The following ST6GALNAC3 variants were observed in gnomAD, a reference collection of about 807,000 sequenced individuals.
ST6GALNAC3 encodes the protein alpha-N-acetylgalactosaminide alpha-2,6-sialyltransferase 3.
ST6GALNAC3 carries 25 observed loss-of-function variants against 32.7 expected under a neutral mutation model. That is an observed-to-expected ratio of 0.76 (90% CI 0.56 to 1.07). The LOEUF (loss-of-function observed/expected upper bound fraction) is 1.07. ST6GALNAC3 is among the 50% of genes least tolerant of loss of function. The pLI is 0.00. For synonymous variants in ST6GALNAC3, 129 were observed against 133.1 expected, an observed-to-expected ratio of 0.97 and a Z score of 0.21; for missense variants, 355 against 382.4, an observed-to-expected ratio of 0.93 and a Z score of 0.60.
intron 3 of ST6GALNAC3, among the ~76,000 whole-genome samples, chr1:76,544,454 A>C (rs908816037): frequency 6.6e-6 from 1 of 152,176 alleles, no homozygotes; most frequent in Non-Finnish European, 1.5e-5. Context: ...CCATGGTGCA[A>C]GTAACTAGTT....
At chr1:76,397,851 G>A (rs4369272) in intron 2 of ST6GALNAC3, among the ~76,000 whole-genome samples, 109,375 of 151,992 alleles carry the variant, frequency 0.72, 39,766 homozygotes, top group South Asian at 0.87. Context: ...TCCATGTTGT[G>A]GCTGGTTACC....
chr1:76,398,018 A>G (rs4342892), intron 2 of ST6GALNAC3, among the ~76,000 whole-genome samples: 109,445 of 152,020 alleles, frequency 0.72, 39,810 homozygotes, highest in South Asian at 0.87. Context: ...GATTACATGG[A>G]GTAGAGCTTC....
chr1:76,126,778 G>A (rs1045389794), intron 1 of ST6GALNAC3, among the ~76,000 whole-genome samples: 1 of 152,128 alleles, frequency 6.6e-6, no homozygotes, highest in African/African-American at 2.4e-5. Flanking sequence ...AGAACTAAAG[G>A]TGATTGTGCA....
chr1:76,587,424 T>C (rs532451560), intron 3 of ST6GALNAC3, among the ~76,000 whole-genome samples: 18 of 152,266 alleles, frequency 1.2e-4, no homozygotes, highest in African/African-American at 4.1e-4. Flanking sequence ...GGCTTTGAGA[T>C]GCCTGGCTGA....
chr1:76,332,358 C>T (rs1229800615), intron 2 of ST6GALNAC3, among the ~76,000 whole-genome samples: 1 of 152,130 alleles, frequency 6.6e-6, no homozygotes, highest in Non-Finnish European at 1.5e-5. Context: ...TTCTCATCTT[C>T]TAATTCGTGA....
At chr1:76,095,506 A>C (rs1647115016) in intron 1 of ST6GALNAC3, among the ~76,000 whole-genome samples, 1 of 152,170 alleles carries the variant, frequency 6.6e-6, no homozygotes, top group South Asian at 2.1e-4. Context: ...TGTTTTCTCC[A>C]GGCAGTGGGT....
At position 76,591,227 on chromosome 1, in the gene ST6GALNAC3, T is replaced by A. The variant is rs866018466; in HGVS notation, c.624-36225T>A. On this transcript the variant is annotated intron_variant, in intron 3 of 4. Transcript: ENST00000328299. ...TCTGTGTGTATGTGTGTGTAGGGGC[T>A]GGAGTGGACATTTCAGGCAAAGGGA... 3.3e-5 allele frequency among the ~76,000 whole-genome samples: 5 copies of A among 152,036 alleles called. No homozygotes were observed. The Middle Eastern group carries it at 0.01, about 310-fold the overall frequency.
intron 2 of ST6GALNAC3, among the ~76,000 whole-genome samples, chr1:76,357,054 T>C (rs562331933): frequency 6.6e-6 from 1 of 152,104 alleles, no homozygotes; most frequent in East Asian, 1.9e-4. Context: ...AATGAAAAAG[T>C]CTAAAGTCTT....
intron 1 of ST6GALNAC3, among the ~76,000 whole-genome samples, chr1:76,263,890 TG>T (rs1658386502): frequency 6.6e-6 from 1 of 152,172 alleles, no homozygotes; most frequent in Non-Finnish European, 1.5e-5. Context: ...GAATGGTATT[TG>T]GTCAAGGTAG....
rs114786781 is a variant in ST6GALNAC3 at position 76,271,868 on chromosome 1, G to T, written c.19-41937G>T. On this transcript the variant is annotated intron_variant, in intron 1 of 4. Transcript: ENST00000328299. ...GTTAGATTTGGGATGTATTTCAAAAGCAGAGCCAATGTGGATTTCCAATAA... is the reference window on the plus strand; with the variant it reads ...GTTAGATTTGGGATGTATTTCAAAATCAGAGCCAATGTGGATTTCCAATAA... 1.9e-3 allele frequency among the ~76,000 whole-genome samples: 295 copies of T among 152,240 alleles called. 4 individuals are homozygous for T. Among genetic ancestry groups the T allele is most frequent in the African/African-American group, 6.9e-3 (287 of 41,528 alleles).
rs371644095 is a variant in ST6GALNAC3 at position 76,481,071 on chromosome 1, T to C, written c.623+68654T>C. 6.3e-4 allele frequency among the ~76,000 whole-genome samples: 96 copies of C among 152,270 alleles called. 1 individual carries two copies. In the South Asian group the frequency reaches 0.019, roughly 30 times the overall value. Reference sequence around the variant, plus strand: ...TGTGTATCTATTGAAAATCTCTAGTTAGGTCCCTTCTGAGCTTTCTGATCT... The same window carrying C: ...TGTGTATCTATTGAAAATCTCTAGTCAGGTCCCTTCTGAGCTTTCTGATCT... On this transcript the variant is annotated intron_variant, in intron 3 of 4. Coordinates refer to ENST00000328299, the MANE Select transcript of ST6GALNAC3 (RefSeq NM_152996.4).
At chr1:76,285,414 A>AGTGTGTGTGTGTG (rs1164300078) in intron 1 of ST6GALNAC3, among the ~76,000 whole-genome samples, 1 of 149,860 alleles carries the variant, frequency 6.7e-6, no homozygotes, top group African/African-American at 2.4e-5. Context: ...GTGTGTGTAC[A>AGTGTGTGTGTGTG]TGTGTGTGTA....
intron 3 of ST6GALNAC3, among the ~76,000 whole-genome samples, chr1:76,599,713 G>A (rs980186112): frequency 4.1e-5 from 5 of 123,008 alleles, no homozygotes; most frequent in East Asian, 2.3e-4. Context: ...TCCCACTACC[G>A]TATCGTGTGT....
intron 3 of ST6GALNAC3, among the ~76,000 whole-genome samples, chr1:76,475,738 A>T (rs1286366784): frequency 1.3e-5 from 2 of 152,188 alleles, no homozygotes; most frequent in Non-Finnish European, 2.9e-5. Flanking sequence ...TCTGGGATAC[A>T]TGTGCAGAAC....
At chr1:76,564,934 A>C (rs1665464892) in intron 3 of ST6GALNAC3, among the ~76,000 whole-genome samples, 1 of 152,148 alleles carries the variant, frequency 6.6e-6, no homozygotes, top group South Asian at 2.1e-4. Flanking sequence ...AGGTGGCAGA[A>C]AAAGTTCAAC....
chr1:76,587,435 C>T (rs574236560), intron 3 of ST6GALNAC3, among the ~76,000 whole-genome samples: 204 of 152,258 alleles, frequency 1.3e-3, no homozygotes, highest in Non-Finnish European at 2.4e-3. Flanking sequence ...GCCTGGCTGA[C>T]GGGCAAAGTT....
At chr1:76,609,837 C>T (rs1317716225) in intron 3 of ST6GALNAC3, among the ~76,000 whole-genome samples, 2 of 152,076 alleles carry the variant, frequency 1.3e-5, no homozygotes, top group Non-Finnish European at 2.9e-5. Flanking sequence ...TTCAATCTAA[C>T]ACACTTGAGA....
chr1:76,431,274 T>G (rs1300185240), intron 3 of ST6GALNAC3, among the ~76,000 whole-genome samples: 1 of 152,152 alleles, frequency 6.6e-6, no homozygotes, highest in East Asian at 1.9e-4. Flanking sequence ...TAGTTAAGCT[T>G]GGGAAGCCAG....
rs1179158346 is a variant in ST6GALNAC3, at chr1:76,587,651, G to A, written c.624-39801G>A. ...ATCTGTAACCTGATGTTGGTGTGAG[G>A]ATTAAATATGATAATCCAGGAAAAG... On this transcript the variant is annotated intron_variant, in intron 3 of 4. Coordinates refer to ENST00000328299, the MANE Select transcript of ST6GALNAC3 (RefSeq NM_152996.4). Among the ~76,000 whole-genome samples, 3 of 152,166 alleles carry A rather than the reference G, an allele frequency of 2.0e-5. No individual in the cohort carries two copies. The East Asian group carries it at 5.8e-4, about 29-fold the overall frequency.
Sources: gnomAD v4.1 joint callset for allele counts (sites outside exome capture counted in the v4.1 genomes callset) on GRCh38, gnomAD v4.1.1 for gene constraint, MANE v1.5 for transcripts, NCBI Gene and HGNC (gene_info 2026-07-23, HGNC 2026-07-21) for gene names.